TXNRD1: variants seen among roughly 807,000 people sequenced by gnomAD.
The protein encoded by TXNRD1 is thioredoxin reductase 1.
In TXNRD1, 57 loss-of-function variants were observed where a neutral mutation model predicts 80.3. The ratio of observed to expected loss-of-function variants is 0.71; its 90% confidence interval spans 0.57 to 0.89. The LOEUF (loss-of-function observed/expected upper bound fraction) is 0.89. TXNRD1 is among the 40% of genes least tolerant of loss of function. The probability of loss-of-function intolerance (pLI) is 0.00; values close to 1 mark genes in which losing one functional copy is unlikely to be tolerated. For missense variants in TXNRD1, 730 were observed against 803.0 expected (o/e 0.91, Z 1.10); for synonymous variants, 291 against 285.2 (o/e 1.02, Z -0.20).
intron 1 of TXNRD1, among the ~76,000 whole-genome samples, chr12:104,234,986 G>C (rs765342873): frequency 6.6e-6 from 1 of 152,148 alleles, no homozygotes; most frequent in Non-Finnish European, 1.5e-5. Context: ...CCTGGGAAAA[G>C]TTAATTTTCC....
intron 4 of TXNRD1, among the ~76,000 whole-genome samples, chr12:104,308,782 G>T (rs950109366): frequency 2.0e-5 from 3 of 152,132 alleles, no homozygotes; most frequent in African/African-American, 4.8e-5. Flanking sequence ...TACTGTTTGG[G>T]GCAGCTGTTT....
rs951728679 is a variant in TXNRD1, at chr12:104,334,337, G to A, written c.1746+5G>A. ...ATCTGTAATACTAAAGACAATGTAA[G>A]TTTAATTCTCAATCCTTTCCAGTAA... On this transcript the variant is annotated splice_donor_5th_base_variant and intron_variant, in intron 15 of 16. Coordinates refer to ENST00000525566, the MANE Select transcript of TXNRD1 (RefSeq NM_001093771.3). 2.1e-6 allele frequency: 3 copies of A among 1,400,868 alleles called. No individual in the cohort carries two copies. Among genetic ancestry groups the A allele is most frequent in the African/African-American group, 1.5e-5 (1 of 67,482 alleles). 86.8% of individuals were successfully genotyped at this position (1,400,868 alleles called of 1,614,324 possible).
rs538771080 is a variant in TXNRD1 at position 104,311,444 on chromosome 12, G to C, written c.537+32G>C. Reference sequence around the variant, plus strand: ...CTCCTTGTGTTGTCTGTTGTCTGTTGTCTGGGTGGTGATTAGAATATTAAC... The same window carrying C: ...CTCCTTGTGTTGTCTGTTGTCTGTTCTCTGGGTGGTGATTAGAATATTAAC... On this transcript the variant is annotated intron_variant, in intron 5 of 16. Transcript: ENST00000525566. The C allele has an allele frequency of 4.4e-6, 7 of 1,605,540 alleles. No individual in the cohort carries two copies. The East Asian group carries it at 1.3e-4, about 31-fold the overall frequency.
At chr12:104,293,749 TAAGAG>T (rs1011765611) in intron 4 of TXNRD1, among the ~76,000 whole-genome samples, 1 of 151,964 alleles carries the variant, frequency 6.6e-6, no homozygotes, top group African/African-American at 2.4e-5. Context: ...GACAAAGAGA[TAAGAG>T]AAAAGGCAGC....
chr12:104,248,826 C>CT (rs1291336441), intron 1 of TXNRD1, among the ~76,000 whole-genome samples: 9 of 151,490 alleles, frequency 5.9e-5, no homozygotes, highest in East Asian at 5.8e-4. Flanking sequence ...TTTTTCTTTT[C>CT]TTTTTTTTTC....
At position 104,251,017 on chromosome 12, in the gene TXNRD1, G is replaced by A. The variant is rs775632980; in HGVS notation, c.92-510G>A. Among the ~76,000 whole-genome samples, 26 of 152,176 alleles carry A rather than the reference G, an allele frequency of 1.7e-4. 1 individual carries two copies. Among genetic ancestry groups the A allele is most frequent in the Non-Finnish European group, 3.1e-4 (21 of 68,022 alleles). On this transcript the variant is annotated intron_variant, in intron 1 of 16. Coordinates refer to ENST00000525566, the MANE Select transcript of TXNRD1 (RefSeq NM_001093771.3). ...ATAATTCGCAGTAAGTATTTTTATT[G>A]CAGTCTTGCTGCATCTTGCCTGAAG... is the stretch of plus-strand genomic sequence containing the variant.
intron 4 of TXNRD1, among the ~76,000 whole-genome samples, chr12:104,299,388 A>G (rs1291522554): frequency 6.6e-6 from 1 of 151,972 alleles, no homozygotes; most frequent in Non-Finnish European, 1.5e-5. Context: ...AAATACAGAT[A>G]TCTGTCTTAT....
intron 3 of TXNRD1, chr12:104,286,729 C>T (rs1409908072): frequency 9.9e-7 from 1 of 1,014,314 alleles, no homozygotes; most frequent in Non-Finnish European, 1.2e-6. Flanking sequence ...TAGCTACTGC[C>T]TTAGGGCATA....
chr12:104,239,014 T>C (rs2135691273), intron 1 of TXNRD1, among the ~76,000 whole-genome samples: 1 of 151,940 alleles, frequency 6.6e-6, no homozygotes, highest in East Asian at 1.9e-4. Context: ...ACCCTTTTCA[T>C]GTGATGCCCT....
chr12:104,237,596 A>G (rs1410281469), intron 1 of TXNRD1, among the ~76,000 whole-genome samples: 1 of 152,244 alleles, frequency 6.6e-6, no homozygotes, highest in Non-Finnish European at 1.5e-5. Context: ...CCCTAAAGCC[A>G]GTAATACAAT....
intron 1 of TXNRD1, among the ~76,000 whole-genome samples, chr12:104,230,804 G>A (rs2032605189): frequency 6.6e-6 from 1 of 152,098 alleles, no homozygotes; most frequent in African/African-American, 2.4e-5. Context: ...TGGAGGAGGT[G>A]GTGTCTGATT....
chr12:104,294,884 T>G (rs1191529394), intron 4 of TXNRD1, among the ~76,000 whole-genome samples: 1 of 152,244 alleles, frequency 6.6e-6, no homozygotes, highest in Non-Finnish European at 1.5e-5. Context: ...CTTTCTTAAC[T>G]ATTCTTAACT....
chr12:104,298,306 A>G (rs2034500828), intron 4 of TXNRD1, among the ~76,000 whole-genome samples: 1 of 152,236 alleles, frequency 6.6e-6, no homozygotes, highest in Non-Finnish European at 1.5e-5. Context: ...GTTACTGTAC[A>G]CACTTTGAAT....
At chr12:104,303,818 G>A (rs903917311) in intron 4 of TXNRD1, 8 of 1,409,332 alleles carry the variant, frequency 5.7e-6, no homozygotes, top group Middle Eastern at 2.6e-4. Flanking sequence ...ACCCGTGGCC[G>A]GCATGTTGGT....
At chr12:104,324,360 T>G (rs1311044271) in intron 10 of TXNRD1, among the ~76,000 whole-genome samples, 1 of 151,352 alleles carries the variant, frequency 6.6e-6, no homozygotes, top group Non-Finnish European at 1.5e-5. Context: ...TTCGTTTTTT[T>G]TTTTTTTTTG....
chr12:104,332,674 G>A (rs1279710844), intron 14 of TXNRD1, among the ~76,000 whole-genome samples: 1 of 150,140 alleles, frequency 6.7e-6, no homozygotes, highest in Non-Finnish European at 1.5e-5. Flanking sequence ...GCTTGAACCC[G>A]GGAGGCGGAG....
At chr12:104,287,286 A>T in intron 3 of TXNRD1, 1 of 1,613,966 alleles carries the variant, frequency 6.2e-7, no homozygotes, top group South Asian at 1.1e-5. Context: ...TTCCAAACCC[A>T]GGCAGCTTCG....
At chr12:104,262,078 A>G (rs112002275) in intron 3 of TXNRD1, among the ~76,000 whole-genome samples, 12,175 of 149,672 alleles carry the variant, frequency 0.081, 740 homozygotes, top group African/African-American at 0.17. Flanking sequence ...CTAAAAATAC[A>G]AAAATTAGCC....
At chr12:104,231,444 G>C (rs2032623103) in intron 1 of TXNRD1, among the ~76,000 whole-genome samples, 1 of 152,142 alleles carries the variant, frequency 6.6e-6, no homozygotes, top group South Asian at 2.1e-4. Flanking sequence ...GAGAATACAG[G>C]GTTCAAATAT....
Sources: gnomAD v4.1 joint callset for allele counts (sites outside exome capture counted in the v4.1 genomes callset) on GRCh38, gnomAD v4.1.1 for gene constraint, MANE v1.5 for transcripts, NCBI Gene and HGNC (gene_info 2026-07-23, HGNC 2026-07-21) for gene names.